Variants in RPS6KA1 observed in about 807,000 individuals in gnomAD.
RPS6KA1 encodes ribosomal protein S6 kinase alpha-1.
RPS6KA1 carries 48 observed loss-of-function variants against 91.3 expected under a neutral mutation model. That is an observed-to-expected ratio of 0.53 (90% CI 0.42 to 0.67). The LOEUF (loss-of-function observed/expected upper bound fraction) is 0.67. Ranked by LOEUF, RPS6KA1 falls within the 30% of genes least tolerant of loss-of-function variation. The pLI is 0.00. For synonymous variants in RPS6KA1, 359 were observed against 384.7 expected, an observed-to-expected ratio of 0.93 and a Z score of 0.78; for missense variants, 719 against 960.5, an observed-to-expected ratio of 0.75 and a Z score of 3.32.
Position 26,555,760 on chromosome 1 carries a change from C to T in RPS6KA1, c.916+135C>T, listed in dbSNP as rs2076095723. On this transcript the variant is annotated intron_variant, in intron 11 of 21. Transcript: ENST00000374168. This position sits in a 1 kb window ranked among gnomAD's most constrained non-coding sequence, Gnocchi z 4.3. ...TGGGCAGACAATGCCGCGGGCCACC[C>T]TGCTTTCTGGCTCCATGTGTGGTGT... 1 of 843,210 alleles carries T rather than the reference C, an allele frequency of 1.2e-6. No individual in the cohort carries two copies. The highest frequency in any genetic ancestry group is 1.9e-6 in the Non-Finnish European group (1 of 517,832). The allele number at this position is 843,210 out of a possible 1,614,324, so 52.2% of individuals were successfully genotyped here. A position where few individuals can be genotyped will look rare whatever the true frequency, so the allele number is the denominator to read the frequency against.
intron 2 of RPS6KA1, chr1:26,545,790 C>T (rs2124627187): frequency 1.4e-6 from 2 of 1,387,298 alleles, no homozygotes; most frequent in Middle Eastern, 2.6e-4. Flanking sequence ...CTGCCCTGGG[C>T]CAGGCCCAGC....
In RPS6KA1 at chr1:26,553,282, A is replaced by G. The variant is rs559793778; in HGVS notation, c.469-109A>G. ...AAGGCTATATGGCCTGGGGTTTCCAAGGGTCCTCCCAGGGTGGCTCTTCAG... is the reference window on the plus strand; with the variant it reads ...AAGGCTATATGGCCTGGGGTTTCCAGGGGTCCTCCCAGGGTGGCTCTTCAG... On this transcript the variant is annotated intron_variant, in intron 6 of 21. Transcript: ENST00000374168. The G allele has an allele frequency of 1.2e-4, 81 of 690,336 alleles. 1 individual carries two copies. The South Asian group carries it at 1.3e-3, about 11-fold the overall frequency. 42.8% of individuals were successfully genotyped at this position (690,336 alleles called of 1,614,324 possible). A position where few individuals can be genotyped will look rare whatever the true frequency, so the allele number is the denominator to read the frequency against.
intron 7 of RPS6KA1, 139 bp downstream of exon 7, chr1:26,553,636 G>A: frequency 2.0e-6 from 1 of 497,498 alleles, no homozygotes; most frequent in Non-Finnish European, 3.7e-6. Flanking sequence ...GGTGAGTGGG[G>A]TGGGTGGTAG....
intron 1 of RPS6KA1, 41 bp from the exon 2 acceptor site, chr1:26,536,884 A>G (rs1342331790): frequency 2.5e-6 from 4 of 1,610,594 alleles, no homozygotes; most frequent in Non-Finnish European, 3.4e-6. Context: ...CAAGCGTGTA[A>G]GTTCTGACAG....
intron 1 of RPS6KA1, among the ~76,000 whole-genome samples, chr1:26,531,863 G>A (rs929826670): frequency 7.9e-5 from 12 of 152,184 alleles, no homozygotes; most frequent in African/African-American, 2.7e-4. Context: ...GGTGCCAGGC[G>A]ACTGGGTGTT....
rs117954993 is a variant in RPS6KA1 at position 26,563,322 on chromosome 1, C to T, written c.1590+1659C>T. Among the ~76,000 whole-genome samples, 1,058 of 151,998 alleles carry T rather than the reference C, an allele frequency of 7.0e-3. 16 individuals are homozygous for T. Among genetic ancestry groups the T allele is most frequent in the East Asian group, 0.044 (226 of 5,136 alleles). ...GTTCACTGCAGCCTTGACCTCCTTG[C>T]GCTCAAATGATCCTCCCACTTCAGC... On this transcript the variant is annotated intron_variant, in intron 17 of 21. Transcript: ENST00000374168.
intron 11 of RPS6KA1, 114 bp from the exon 12 acceptor site, chr1:26,556,540 T>C: frequency 9.1e-7 from 1 of 1,099,126 alleles, no homozygotes; most frequent in Non-Finnish European, 1.4e-6. Flanking sequence ...GTGAGCCCAT[T>C]TTCCCCTCTG....
In RPS6KA1 at chr1:26,566,422, T is replaced by C. The variant is rs965453410; in HGVS notation, c.1590+4759T>C. Among the ~76,000 whole-genome samples, 8 of 151,958 alleles carry C rather than the reference T, an allele frequency of 5.3e-5. No homozygotes were observed. In the East Asian group the frequency reaches 1.6e-3, roughly 29 times the overall value. ...CCTCAGCCTCCTGAGGAGCTGGGATTACAGGCGTGTACCCACCACACCCAG... is the reference window on the plus strand; with the variant it reads ...CCTCAGCCTCCTGAGGAGCTGGGATCACAGGCGTGTACCCACCACACCCAG... On this transcript the variant is annotated intron_variant, in intron 17 of 21. Coordinates refer to ENST00000374168, the MANE Select transcript of RPS6KA1 (RefSeq NM_002953.4).
intron 4 of RPS6KA1, among the ~76,000 whole-genome samples, chr1:26,548,272 C>G (rs943527629): frequency 6.6e-6 from 1 of 151,876 alleles, no homozygotes. Context: ...TAAGCATACC[C>G]GACAGTGTGG....
intron 2 of RPS6KA1, among the ~76,000 whole-genome samples, 192 bp downstream of exon 2, chr1:26,537,161 G>A (rs1316350803): frequency 6.6e-6 from 1 of 152,218 alleles, no homozygotes; most frequent in Non-Finnish European, 1.5e-5. Context: ...TTGTAGGTGA[G>A]GCGACTGTGG....
chr1:26,530,128 C>T (rs2075857546), intron 1 of RPS6KA1, 145 bp downstream of exon 1: 2 of 434,204 alleles, frequency 4.6e-6, no homozygotes, highest in Non-Finnish European at 3.7e-6. Context: ...CTGTCCGGCT[C>T]CACCCCCCTA....
chr1:26,536,667 C>T (rs2075908787), intron 1 of RPS6KA1, among the ~76,000 whole-genome samples: 1 of 152,192 alleles, frequency 6.6e-6, no homozygotes, highest in Non-Finnish European at 1.5e-5. Context: ...AAGTGTTTGC[C>T]AGGCAGACAG....
Position 26,551,805 on chromosome 1 carries a change from ATG to A in RPS6KA1, c.468+86_468+87del. The A allele has an allele frequency of 7.8e-7, 1 of 1,280,212 alleles. No individual in the cohort carries two copies. Among genetic ancestry groups the A allele is most frequent in the Non-Finnish European group, 1.1e-6 (1 of 881,474 alleles). The allele number at this position is 1,280,212 out of a possible 1,614,324, so 79.3% of individuals were successfully genotyped here. ...CTCCCATCCCAGGGCCCTGTACAGA[ATG>A]TGTTTGGTATGGCTTGAACCTGGAA... On this transcript the variant is annotated intron_variant, in intron 6 of 21. Transcript: ENST00000374168. The surrounding 1 kb of genome is among the most constrained non-coding windows in gnomAD (Gnocchi z 4.5).
chr1:26,554,407 C>T lies in RPS6KA1; in HGVS notation c.613+156C>T. ...TCAGGCCTCAGACTTGGAACACCCT[C>T]AGCTGGAATCCCAGCCCCTCATTGT... is the stretch of plus-strand genomic sequence containing the variant. On this transcript the variant is annotated intron_variant, in intron 8 of 21. Transcript: ENST00000374168. The surrounding 1 kb of genome is among the most constrained non-coding windows in gnomAD (Gnocchi z 4.6). 9.1e-7 allele frequency: 1 copy of T among 1,095,746 alleles called. No individual in the cohort carries two copies. 67.9% of individuals were successfully genotyped at this position (1,095,746 alleles called of 1,614,324 possible). A position where few individuals can be genotyped will look rare whatever the true frequency, so the allele number is the denominator to read the frequency against.
Position 26,547,275 on chromosome 1 carries a change from G to A in RPS6KA1, c.307+5G>A. On this transcript the variant is annotated splice_donor_5th_base_variant and intron_variant, in intron 4 of 21. Coordinates refer to ENST00000374168, the MANE Select transcript of RPS6KA1 (RefSeq NM_002953.4). This position sits in a 1 kb window ranked among gnomAD's most constrained non-coding sequence, Gnocchi z 4.1. ...TGAAGAAGGCAACGCTGAAAGGTGAGTGGGGACACCTCCCTGTGCAGAACC... is the reference window on the plus strand; with the variant it reads ...TGAAGAAGGCAACGCTGAAAGGTGAATGGGGACACCTCCCTGTGCAGAACC... The A allele has an allele frequency of 6.2e-7, 1 of 1,611,850 alleles. No individual in the cohort carries two copies. The highest frequency in any genetic ancestry group is 1.3e-5 in the African/African-American group (1 of 75,014).
intron 2 of RPS6KA1, among the ~76,000 whole-genome samples, 174 bp downstream of exon 2, chr1:26,537,143 T>G (rs753961534): frequency 2.6e-5 from 4 of 152,248 alleles, no homozygotes; most frequent in African/African-American, 9.6e-5. Context: ...TGTTCCAACC[T>G]TCCTATTTTG....
intron 17 of RPS6KA1, among the ~76,000 whole-genome samples, chr1:26,567,040 A>G (rs2076209145): frequency 1.3e-5 from 2 of 150,718 alleles, no homozygotes; most frequent in Non-Finnish European, 3.0e-5. Context: ...TTTTTGAGAC[A>G]GGGTCTCACT....
Position 26,551,563 on chromosome 1 carries a change from G to A in RPS6KA1, c.389-81G>A, listed in dbSNP as rs2076050342. On this transcript the variant is annotated intron_variant, in intron 5 of 21. Transcript: ENST00000374168. The surrounding 1 kb of genome is among the most constrained non-coding windows in gnomAD (Gnocchi z 4.5). ...CTGTACACTGTCCCACCGCCTGCCT[G>A]GCAGGCCAAGGGAGCCAGGGCCGGA... 1.3e-6 allele frequency: 2 copies of A among 1,597,506 alleles called. No homozygotes were observed. Among genetic ancestry groups the A allele is most frequent in the African/African-American group, 1.3e-5 (1 of 74,688 alleles).
chr1:26,562,644 A>G (rs2076163075), intron 17 of RPS6KA1, among the ~76,000 whole-genome samples: 1 of 152,118 alleles, frequency 6.6e-6, no homozygotes, highest in African/African-American at 2.4e-5. Context: ...TAAAGCCCAA[A>G]ACAGTAGCAT....
Sources: allele counts gnomAD v4.1 joint callset (sites outside exome capture counted in the v4.1 genomes callset), GRCh38; gene constraint gnomAD v4.1.1; non-coding constraint Gnocchi (gnomAD v3.1); transcripts MANE v1.5; gene names NCBI Gene and HGNC (gene_info 2026-07-23, HGNC 2026-07-21).